The following RGS5 variants were observed in gnomAD, a reference collection of about 807,000 sequenced individuals.
RGS5 encodes regulator of G protein signaling 5.
Under a neutral mutation model 18.9 loss-of-function variants are expected in RGS5, and 20 were observed. The observed-to-expected ratio is 1.06, with a 90% CI of 0.74 to 1.54. The LOEUF is 1.54. Among genes scored for constraint, RGS5 ranks in the 40% most tolerant of loss-of-function variants. The pLI, the probability that RGS5 is intolerant of heterozygous loss-of-function variation, is 0.00. For synonymous variants in RGS5, 57 were observed against 76.2 expected (o/e 0.75, Z 1.31); for missense variants, 201 against 211.8 (o/e 0.95, Z 0.32).
In RGS5 at chr1:163,146,774, A is replaced by T. The variant is rs1175636232; in HGVS notation, c.*568T>A. On this transcript the variant is annotated 3_prime_UTR_variant, in exon 5 of 5. Transcript: ENST00000313961. ...CTCTTATTTATAATACCCAACTAACATGAAGGTGGTCCAAGGGAAGGATCA... is the reference window on the plus strand; with the variant it reads ...CTCTTATTTATAATACCCAACTAACTTGAAGGTGGTCCAAGGGAAGGATCA... 6.6e-6 allele frequency: 1 copy of T among 152,198 alleles called. No homozygotes were observed. Among genetic ancestry groups the T allele is most frequent in the African/African-American group, 2.4e-5 (1 of 41,462 alleles). 9.4% of individuals were successfully genotyped at this position (152,198 alleles called of 1,614,324 possible). A position where few individuals can be genotyped will look rare whatever the true frequency, so the allele number is the denominator to read the frequency against.
chr1:163,297,415 A>G (rs1232888045), intron 2 of RGS5, among the ~76,000 whole-genome samples: 1 of 152,158 alleles, frequency 6.6e-6, no homozygotes, highest in Non-Finnish European at 1.5e-5. Context: ...CCATGAAGAA[A>G]GGTAGACTTA....
chr1:163,314,562 AC>A (rs200994121), intron 1 of RGS5, among the ~76,000 whole-genome samples: 1 of 147,852 alleles, frequency 6.8e-6, no homozygotes, highest in African/African-American at 2.5e-5. Context: ...AACAACAACA[AC>A]AAAAAAAACC....
intron 2 of RGS5, among the ~76,000 whole-genome samples, chr1:163,281,312 A>T (rs1648985193): frequency 1.3e-5 from 2 of 152,204 alleles, no homozygotes; most frequent in African/African-American, 2.4e-5. Context: ...TTTATAAAGA[A>T]AAAAAGGTTT....
intron 2 of RGS5, among the ~76,000 whole-genome samples, chr1:163,164,194 C>G (rs543413430): frequency 6.9e-4 from 105 of 152,226 alleles, no homozygotes; most frequent in African/African-American, 2.4e-3. Context: ...TGTCCTTATT[C>G]TCAGAATTTG....
chr1:163,190,966 G>A (rs1397470864), intron 1 of RGS5, among the ~76,000 whole-genome samples: 1 of 151,016 alleles, frequency 6.6e-6, no homozygotes, highest in Non-Finnish European at 1.5e-5. Context: ...TCCCTTTCAG[G>A]TTTGAAAGGT....
chr1:163,227,777 G>A (rs1647371631), intron 2 of RGS5, among the ~76,000 whole-genome samples: 1 of 152,182 alleles, frequency 6.6e-6, no homozygotes, highest in African/African-American at 2.4e-5. Context: ...AGATACAATG[G>A]GGGTACAGGC....
At chr1:163,158,253 G>C (rs1308554632) in intron 3 of RGS5, among the ~76,000 whole-genome samples, 1 of 152,074 alleles carries the variant, frequency 6.6e-6, no homozygotes, top group South Asian at 2.1e-4. Flanking sequence ...GCATTCCACT[G>C]GTTCTTCTCT....
At chr1:163,163,340 A>G (rs1657891533) in intron 2 of RGS5, among the ~76,000 whole-genome samples, 1 of 152,220 alleles carries the variant, frequency 6.6e-6, no homozygotes, top group Non-Finnish European at 1.5e-5. Context: ...TTGTGAAATA[A>G]TCTTGGGTGA....
At chr1:163,303,518 A>T (rs906130021) in intron 2 of RGS5, among the ~76,000 whole-genome samples, 1 of 152,248 alleles carries the variant, frequency 6.6e-6, no homozygotes, top group East Asian at 1.9e-4. Context: ...TTAAAAATAC[A>T]AAGTAGAATC....
At chr1:163,204,059 T>C (rs1483944208), upstream of RGS5, among the ~76,000 whole-genome samples, 6 of 152,200 alleles carry the variant, frequency 3.9e-5, no homozygotes, top group South Asian at 2.1e-4. Flanking sequence ...CCTCTTTATA[T>C]ACCCTTTTTA....
chr1:163,156,344 A>G (rs2102387461), intron 3 of RGS5, among the ~76,000 whole-genome samples: 1 of 152,326 alleles, frequency 6.6e-6, no homozygotes, highest in African/African-American at 2.4e-5. Flanking sequence ...ATGTAGCTCA[A>G]TACATGTTGG....
At chr1:163,233,154 G>T (rs1647527466) in intron 2 of RGS5, among the ~76,000 whole-genome samples, 1 of 152,134 alleles carries the variant, frequency 6.6e-6, no homozygotes, top group South Asian at 2.1e-4. Flanking sequence ...ATTTAATTAT[G>T]AATCTTGAAC....
intron 1 of RGS5, among the ~76,000 whole-genome samples, chr1:163,172,780 C>T (rs1440685875): frequency 6.6e-6 from 1 of 152,118 alleles, no homozygotes; most frequent in African/African-American, 2.4e-5. Flanking sequence ...TGCATTTCTG[C>T]TCATACAACA....
At chr1:163,217,907 C>T (rs2345184), upstream of RGS5, among the ~76,000 whole-genome samples, 63,874 of 151,882 alleles carry the variant, frequency 0.42, 13,471 homozygotes, top group African/African-American at 0.43. Flanking sequence ...GATTTTAAAT[C>T]GCAGAACTGA....
At chr1:163,269,725 C>T (rs943779356) in intron 2 of RGS5, among the ~76,000 whole-genome samples, 16 of 152,190 alleles carry the variant, frequency 1.1e-4, no homozygotes, top group Middle Eastern at 3.4e-3. Flanking sequence ...TTCAGTTTTC[C>T]GACTTCTGAT....
intron 2 of RGS5, among the ~76,000 whole-genome samples, chr1:163,281,843 T>C (rs920159100): frequency 6.6e-6 from 1 of 152,144 alleles, no homozygotes; most frequent in Non-Finnish European, 1.5e-5. Flanking sequence ...CAATAAATCA[T>C]GCTGGGAAAG....
intron 3 of RGS5, among the ~76,000 whole-genome samples, chr1:163,157,702 A>C (rs1018607938): frequency 3.3e-5 from 4 of 122,478 alleles, no homozygotes; most frequent in Non-Finnish European, 5.0e-5. Flanking sequence ...TATCAAATCA[A>C]ACATGCAAAA....
chr1:163,206,111 T>C (rs1336596484), upstream of RGS5, among the ~76,000 whole-genome samples: 2 of 152,218 alleles, frequency 1.3e-5, no homozygotes, highest in East Asian at 3.9e-4. Flanking sequence ...AAATATATAC[T>C]GTCAATAGGT....
At chr1:163,238,668 A>C (rs1419457338) in intron 2 of RGS5, 1 of 276,364 alleles carries the variant, frequency 3.6e-6, no homozygotes, top group East Asian at 1.0e-4. Context: ...GAACTGAAAA[A>C]ATTTTTGTTG....
Sources: allele counts gnomAD v4.1 joint callset (sites outside exome capture counted in the v4.1 genomes callset), GRCh38; gene constraint gnomAD v4.1.1; transcripts MANE v1.5; gene names NCBI Gene and HGNC (gene_info 2026-07-23, HGNC 2026-07-21).